FNDC3B: variants seen among roughly 807,000 people sequenced by gnomAD.
FNDC3B encodes the protein fibronectin type III domain-containing protein 3B.
FNDC3B carries 12 observed loss-of-function variants against 151.5 expected under a neutral mutation model. The observed-to-expected ratio is 0.08, with a 90% CI of 0.05 to 0.13. The LOEUF (loss-of-function observed/expected upper bound fraction) is 0.13. FNDC3B is among the 10% of genes least tolerant of loss of function. The probability of loss-of-function intolerance (pLI) is 1.00; values close to 1 mark genes in which losing one functional copy is unlikely to be tolerated. For missense variants in FNDC3B, 1,214 were observed against 1,505.3 expected, an observed-to-expected ratio of 0.81 and a Z score of 3.20; for synonymous variants, 528 against 549.0, an observed-to-expected ratio of 0.96 and a Z score of 0.54.
chr3:172,106,799 G>C (rs753595371), intron 1 of FNDC3B, among the ~76,000 whole-genome samples: 2 of 152,096 alleles, frequency 1.3e-5, no homozygotes. Flanking sequence ...GTATAGGCTG[G>C]GACCAAAGTA....
intron 1 of FNDC3B, among the ~76,000 whole-genome samples, chr3:172,092,409 A>G: frequency 6.6e-6 from 1 of 152,198 alleles, no homozygotes; most frequent in East Asian, 1.9e-4. Context: ...CCCACACATT[A>G]TTAAGTGGGG....
chr3:172,310,937 CT>C, intron 11 of FNDC3B, 56 bp downstream of exon 11: 2 of 1,178,866 alleles, frequency 1.7e-6, no homozygotes, highest in South Asian at 2.4e-5. Flanking sequence ...ACAAAATTAA[CT>C]GAACAAATGC....
intron 11 of FNDC3B, among the ~76,000 whole-genome samples, chr3:172,325,716 G>C (rs971420749): frequency 2.0e-5 from 3 of 152,222 alleles, no homozygotes; most frequent in African/African-American, 7.2e-5. Flanking sequence ...CGGATCACTG[G>C]AGCCAGTGGC....
chr3:172,104,826 T>C (rs1366728009), intron 1 of FNDC3B, among the ~76,000 whole-genome samples: 1 of 152,222 alleles, frequency 6.6e-6, no homozygotes, highest in Non-Finnish European at 1.5e-5. Context: ...TATTTTGTTT[T>C]AATGAAATTT....
intron 1 of FNDC3B, among the ~76,000 whole-genome samples, chr3:172,059,318 C>T (rs1362976327): frequency 6.6e-6 from 1 of 151,972 alleles, no homozygotes; most frequent in Non-Finnish European, 1.5e-5. Context: ...GTAAGAAGTC[C>T]TGTGATCCAT....
Position 172,337,417 on chromosome 3 carries a change from A to G in FNDC3B, c.1852+16A>G, listed in dbSNP as rs1463953114. On this transcript the variant is annotated intron_variant, in intron 16 of 25. Transcript: ENST00000415807. ...AATTCTGAAGGTGAAGTTTTTGGCA[A>G]TTGTTTTATTCAAATCCAATAGCAA... The G allele has an allele frequency of 6.4e-6, 10 of 1,565,014 alleles. No individual in the cohort carries two copies. In the East Asian group the frequency reaches 9.0e-5, roughly 14 times the overall value.
At chr3:172,095,125 T>G (rs965336836) in intron 1 of FNDC3B, among the ~76,000 whole-genome samples, 13 of 152,154 alleles carry the variant, frequency 8.5e-5, no homozygotes, top group African/African-American at 3.1e-4. Flanking sequence ...AATTCTGACC[T>G]TATCTATTCC....
At chr3:172,220,898 T>C (rs1175257864) in intron 3 of FNDC3B, among the ~76,000 whole-genome samples, 1 of 151,526 alleles carries the variant, frequency 6.6e-6, no homozygotes, top group Non-Finnish European at 1.5e-5. Context: ...GAGATCAGCC[T>C]GGGCAATATA....
intron 23 of FNDC3B, among the ~76,000 whole-genome samples, chr3:172,372,412 A>G (rs954252844): frequency 1.3e-5 from 2 of 152,174 alleles, no homozygotes; most frequent in African/African-American, 4.8e-5. Flanking sequence ...CTGAACTCAT[A>G]CTAAAATGAC....
At chr3:172,161,438 A>C (rs1357673782) in intron 3 of FNDC3B, among the ~76,000 whole-genome samples, 3 of 152,202 alleles carry the variant, frequency 2.0e-5, no homozygotes, top group Admixed American at 2.0e-4. Context: ...TATGATTTAG[A>C]GCATTCTAAA....
chr3:172,362,603 T>G, intron 22 of FNDC3B, 30 bp from the exon 23 acceptor site: 1 of 1,499,458 alleles, frequency 6.7e-7, no homozygotes, highest in Non-Finnish European at 9.3e-7. Context: ...TTAACCTGCA[T>G]TGTCTGTATT....
At chr3:172,069,654 G>A (rs774138255) in intron 1 of FNDC3B, among the ~76,000 whole-genome samples, 1 of 152,146 alleles carries the variant, frequency 6.6e-6, no homozygotes, top group Non-Finnish European at 1.5e-5. Context: ...TTTCAGTCCA[G>A]TGCCCTTTTG....
In FNDC3B at chr3:172,222,464, C is replaced by T. The variant is rs1455609368; in HGVS notation, c.188-4407C>T. On this transcript the variant is annotated intron_variant, in intron 3 of 25. Coordinates refer to ENST00000415807, the MANE Select transcript of FNDC3B (RefSeq NM_022763.4). ...GAATGGGTGAATGTTGTGAAGATAG[C>T]ATCTGAGATGTGTGAGCTCTAGGTC... Among the ~76,000 whole-genome samples, 4 of 152,326 alleles carry T rather than the reference C, an allele frequency of 2.6e-5. No homozygotes were observed. The East Asian group carries it at 7.7e-4, about 29-fold the overall frequency.
intron 24 of FNDC3B, among the ~76,000 whole-genome samples, chr3:172,380,329 C>G (rs1024126582): frequency 6.6e-6 from 1 of 151,740 alleles, no homozygotes; most frequent in Non-Finnish European, 1.5e-5. Context: ...TATAATTTAG[C>G]TTTAAATGAG....
chr3:172,098,548 C>T (rs1719201061), intron 1 of FNDC3B, among the ~76,000 whole-genome samples: 1 of 152,132 alleles, frequency 6.6e-6, no homozygotes, highest in Non-Finnish European at 1.5e-5. Flanking sequence ...TTAAAAATTG[C>T]ACATTCAATG....
intron 6 of FNDC3B, among the ~76,000 whole-genome samples, chr3:172,269,617 G>A (rs1001748450): frequency 6.6e-6 from 1 of 151,836 alleles, no homozygotes; most frequent in East Asian, 1.9e-4. Flanking sequence ...ACAAATCTGT[G>A]TGGTTTTTTT....
At chr3:172,286,278 A>G (rs775666966) in intron 7 of FNDC3B, among the ~76,000 whole-genome samples, 8 of 142,406 alleles carry the variant, frequency 5.6e-5, no homozygotes, top group Non-Finnish European at 1.1e-4. Context: ...TTCAGTCTAC[A>G]GTTTTCTTTT....
chr3:172,280,622 A>G (rs943295985), intron 6 of FNDC3B, among the ~76,000 whole-genome samples: 4 of 152,246 alleles, frequency 2.6e-5, no homozygotes, highest in Non-Finnish European at 5.9e-5. Flanking sequence ...TCCCATTGGA[A>G]TGATAGAGCT....
chr3:172,340,924 A>T (rs1421307049), intron 16 of FNDC3B, among the ~76,000 whole-genome samples, 189 bp from the exon 17 acceptor site: 1 of 152,262 alleles, frequency 6.6e-6, no homozygotes, highest in Non-Finnish European at 1.5e-5. Context: ...AACACTAAGT[A>T]TTAAAAATGA....
Sources: allele counts gnomAD v4.1 joint callset (sites outside exome capture counted in the v4.1 genomes callset), GRCh38; gene constraint gnomAD v4.1.1; transcripts MANE v1.5; gene names NCBI Gene and HGNC (gene_info 2026-07-23, HGNC 2026-07-21).